The following HIVEP3 variants were observed in gnomAD, a reference collection of about 807,000 sequenced individuals.
HIVEP3 encodes the protein transcription factor HIVEP3.
In HIVEP3, 49 loss-of-function variants were observed where a neutral mutation model predicts 152.8. The observed-to-expected ratio is 0.32, with a 90% CI of 0.26 to 0.41. The LOEUF (loss-of-function observed/expected upper bound fraction) is 0.41. Ranked by LOEUF, HIVEP3 falls within the 10% of genes least tolerant of loss-of-function variation. The pLI is 1.00. For synonymous variants in HIVEP3, 1,269 were observed against 1,289.0 expected (o/e 0.98, Z 0.33); for missense variants, 2,790 against 3,103.3 (o/e 0.90, Z 2.40).
chr1:41,844,283 C>T (rs1309851314), intron 1 of HIVEP3, among the ~76,000 whole-genome samples: 3 of 152,160 alleles, frequency 2.0e-5, no homozygotes, highest in Admixed American at 6.5e-5. Context: ...AGGAGAAGAA[C>T]GCAATGAACA....
chr1:41,679,213 T>G (rs994848082), intron 2 of HIVEP3, among the ~76,000 whole-genome samples: 1 of 152,224 alleles, frequency 6.6e-6, no homozygotes, highest in African/African-American at 2.4e-5. Context: ...CTTTTTGACA[T>G]GCGTCCAATT....
chr1:41,829,288 C>T (rs1642893170), intron 1 of HIVEP3, among the ~76,000 whole-genome samples: 1 of 152,226 alleles, frequency 6.6e-6, no homozygotes, highest in Non-Finnish European at 1.5e-5. Flanking sequence ...ATGATGATGA[C>T]ACACCAAAAA....
At chr1:41,539,714 C>A (rs1395911212) in intron 5 of HIVEP3, among the ~76,000 whole-genome samples, 2 of 152,238 alleles carry the variant, frequency 1.3e-5, no homozygotes, top group Non-Finnish European at 2.9e-5. Flanking sequence ...CGCTATGTGC[C>A]ACACGCTTTC....
rs1161107028 is a variant in HIVEP3, at chr1:41,575,824, A to G, written c.5062-135T>C. 3.2e-6 allele frequency: 3 copies of G among 930,030 alleles called. No individual in the cohort carries two copies. In the East Asian group the frequency reaches 7.5e-5, roughly 23 times the overall value. 57.6% of individuals were successfully genotyped at this position (930,030 alleles called of 1,614,324 possible). On this transcript the variant is annotated intron_variant, in intron 4 of 8. Coordinates refer to ENST00000372583, the MANE Select transcript of HIVEP3 (RefSeq NM_024503.5). ...GCAATCTTCACACTCCCCCATGAAG[A>G]GGTGCTATTAGCTCCACTTTACAGA...
chr1:42,021,564 G>T (rs1289874562), intron 1 of HIVEP3, among the ~76,000 whole-genome samples: 6 of 151,966 alleles, frequency 3.9e-5, no homozygotes, highest in Non-Finnish European at 2.9e-5. Flanking sequence ...GTGGACAAGT[G>T]AATATATGGG....
intron 1 of HIVEP3, among the ~76,000 whole-genome samples, chr1:41,773,165 C>T (rs755265853): frequency 2.6e-5 from 4 of 152,200 alleles, no homozygotes; most frequent in Admixed American, 2.0e-4. Context: ...GGCCCCATTT[C>T]ATCTAAATGC....
chr1:41,646,860 C>A (rs1645468576), intron 2 of HIVEP3, among the ~76,000 whole-genome samples: 1 of 152,224 alleles, frequency 6.6e-6, no homozygotes, highest in Admixed American at 6.5e-5. Context: ...AAATGGGTCT[C>A]ACTGGGCTAA....
chr1:41,617,516 CA>C (rs1449287410), intron 3 of HIVEP3, among the ~76,000 whole-genome samples: 6 of 152,224 alleles, frequency 3.9e-5, no homozygotes, highest in Admixed American at 3.9e-4. Context: ...GTTCCTCTGA[CA>C]AGGGCTGCAT....
intron 1 of HIVEP3, among the ~76,000 whole-genome samples, chr1:41,968,658 A>T (rs1489374945): frequency 6.6e-6 from 1 of 152,244 alleles, no homozygotes; most frequent in Non-Finnish European, 1.5e-5. Flanking sequence ...CAAGACAAGG[A>T]TGCCCTCTCT....
chr1:41,880,514 G>A (rs552593377), intron 1 of HIVEP3, among the ~76,000 whole-genome samples: 5 of 152,326 alleles, frequency 3.3e-5, no homozygotes, highest in Admixed American at 1.3e-4. Flanking sequence ...GATACACCAC[G>A]TTTGTACACA....
intron 1 of HIVEP3, among the ~76,000 whole-genome samples, chr1:41,850,275 G>A (rs1311193767): frequency 2.6e-5 from 4 of 152,180 alleles, no homozygotes; most frequent in East Asian, 1.9e-4. Context: ...TGACTCACTC[G>A]CACTCAGCCC....
At chr1:41,899,407 A>T (rs1644584305) in intron 1 of HIVEP3, among the ~76,000 whole-genome samples, 2 of 152,174 alleles carry the variant, frequency 1.3e-5, no homozygotes, top group Admixed American at 6.5e-5. Flanking sequence ...TTTTTATTTT[A>T]TTTATTTATT....
At chr1:42,011,987 C>T (rs1645495064) in intron 1 of HIVEP3, among the ~76,000 whole-genome samples, 1 of 152,116 alleles carries the variant, frequency 6.6e-6, no homozygotes, top group Admixed American at 6.6e-5. Flanking sequence ...TGGGAAGTGA[C>T]ATAGGGATGT....
In HIVEP3 at chr1:41,582,352, T is replaced by C; in HGVS notation, c.2446A>G (p.Ser816Gly). The C allele has an allele frequency of 6.2e-7, 1 of 1,614,146 alleles. No homozygotes were observed. The highest frequency in any genetic ancestry group is 8.5e-7 in the Non-Finnish European group (1 of 1,180,006). Residue 816 changes from serine to glycine, a missense_variant, in exon 4 of 9, where the codon AGT becomes GGT. Physicochemically the swap from Ser to Gly is moderately conservative, Grantham distance 56. Transcript: ENST00000372583. The surrounding 1 kb of genome is among the most constrained non-coding windows in gnomAD (Gnocchi z 4.7). ...GGTTTGTCTTCCCCTTCCAAGCCAC[T>C]CGGCTGCTCGAGAGAATCAGATTTC... ...FEKSDSLEQP[S>G]GLEGEDKPLA...
At chr1:41,518,359 G>A (rs760785984) in intron 7 of HIVEP3, 43 bp downstream of exon 7, 1 of 1,534,666 alleles carries the variant, frequency 6.5e-7, no homozygotes, top group South Asian at 1.1e-5. Context: ...GATAGGGAAA[G>A]CGGACAAGGG....
intron 1 of HIVEP3, among the ~76,000 whole-genome samples, chr1:42,025,729 T>C (rs1321217221): frequency 1.3e-5 from 2 of 152,190 alleles, no homozygotes; most frequent in South Asian, 2.1e-4. Context: ...ACGAAGTTCA[T>C]AGCTTGAGGT....
intron 2 of HIVEP3, among the ~76,000 whole-genome samples, chr1:41,632,074 G>T (rs1213141329): frequency 1.3e-5 from 2 of 152,128 alleles, no homozygotes; most frequent in African/African-American, 4.8e-5. Context: ...AAGCACATTT[G>T]CTGTGCTCCT....
rs79908664 is a variant in HIVEP3 at position 41,838,619 on chromosome 1, T to C, written c.-801+79794A>G. ...GAACATTTCAGATTTATCACCATCC[T>C]CCTAGGGAGGCAGCATCTCCCTGTG... On this transcript the variant is annotated intron_variant, in intron 1 of 8. Transcript: ENST00000372583. Among the ~76,000 whole-genome samples, 475 of 152,186 alleles carry C rather than the reference T, an allele frequency of 3.1e-3. 4 individuals carry two copies. The highest frequency in any genetic ancestry group is 0.01 in the Middle Eastern group (3 of 294).
intron 5 of HIVEP3, chr1:41,544,157 C>T (rs559028729): frequency 1.3e-5 from 2 of 152,190 alleles, no homozygotes; most frequent in South Asian, 2.1e-4. Context: ...GCCTGTACCT[C>T]GTGGCTAACT....
Sources: gnomAD v4.1 joint callset for allele counts (sites outside exome capture counted in the v4.1 genomes callset) on GRCh38, gnomAD v4.1.1 for gene constraint, Gnocchi (gnomAD v3.1) non-coding constraint, MANE v1.5 for transcripts, NCBI Gene and HGNC (gene_info 2026-07-23, HGNC 2026-07-21) for gene names.